Variants in MCOLN2 observed in about 807,000 individuals in gnomAD.
The protein encoded by MCOLN2 is mucolipin-2.
A neutral mutation model predicts 67.5 loss-of-function variants in MCOLN2; 57 were observed. The observed-to-expected ratio is 0.84, with a 90% confidence interval of 0.68 to 1.05. The LOEUF is 1.05. MCOLN2 is among the 50% of genes least tolerant of loss of function. The probability of loss-of-function intolerance (pLI) is 0.00; values close to 1 mark genes in which losing one functional copy is unlikely to be tolerated. For missense variants in MCOLN2, 620 were observed against 678.8 expected (o/e 0.91, Z 0.96); for synonymous variants, 246 against 233.3 (o/e 1.05, Z -0.50).
chr1:84,936,157 G>A (rs140386508), intron 11 of MCOLN2, among the ~76,000 whole-genome samples: 23 of 152,310 alleles, frequency 1.5e-4, no homozygotes, highest in African/African-American at 5.1e-4. Flanking sequence ...GAGAAGGGGA[G>A]GGAAGGGTTA....
At chr1:84,947,315 C>T (rs568763808) in intron 6 of MCOLN2, among the ~76,000 whole-genome samples, 183 bp from the exon 7 acceptor site, 1 of 151,932 alleles carries the variant, frequency 6.6e-6, no homozygotes, top group Non-Finnish European at 1.5e-5. Flanking sequence ...ACCACACACA[C>T]ACACACACAC....
intron 3 of MCOLN2, among the ~76,000 whole-genome samples, chr1:84,957,396 G>A (rs1048091679): frequency 2.0e-5 from 3 of 152,032 alleles, no homozygotes; most frequent in Non-Finnish European, 2.9e-5. Flanking sequence ...TCATTAATAC[G>A]ACTTTACTAT....
At chr1:84,926,873 T>C (rs960277692) in intron 13 of MCOLN2, 152 bp from the exon 14 acceptor site, 2 of 451,872 alleles carry the variant, frequency 4.4e-6, no homozygotes, top group Non-Finnish European at 7.6e-6. Flanking sequence ...AGGCAAGGTA[T>C]TCTGATTATT....
chr1:84,976,518 A>C (rs1261062140), intron 1 of MCOLN2, among the ~76,000 whole-genome samples: 1 of 152,190 alleles, frequency 6.6e-6, no homozygotes, highest in Non-Finnish European at 1.5e-5. Flanking sequence ...CTGTAATCCC[A>C]GCATTTTGGG....
chr1:84,936,523 A>T (rs529643307), intron 11 of MCOLN2, among the ~76,000 whole-genome samples: 1 of 152,316 alleles, frequency 6.6e-6, no homozygotes, highest in African/African-American at 2.4e-5. Flanking sequence ...CATATCAAAG[A>T]ATAATTTTTT....
chr1:84,959,293 T>C (rs1648954974), intron 2 of MCOLN2, among the ~76,000 whole-genome samples: 1 of 152,184 alleles, frequency 6.6e-6, no homozygotes, highest in Admixed American at 6.5e-5. Flanking sequence ...TCAAAGCACA[T>C]GAAAGAATAA....
Position 84,931,714 on chromosome 1 carries a change from T to C in MCOLN2, c.1336-146A>G, listed in dbSNP as rs1647202878. Reference sequence around the variant, plus strand: ...TAAGATGCTAGAACACCATAAGAAGTAGGAAAACATTATTCAAAAACCCCC... The same window carrying C: ...TAAGATGCTAGAACACCATAAGAAGCAGGAAAACATTATTCAAAAACCCCC... On this transcript the variant is annotated intron_variant, in intron 11 of 13. Coordinates refer to ENST00000370608, the MANE Select transcript of MCOLN2 (RefSeq NM_153259.4). The C allele has an allele frequency of 1.1e-5, 8 of 697,102 alleles. No individual in the cohort carries two copies. The Admixed American group carries it at 2.0e-4, about 17-fold the overall frequency. 43.2% of individuals were successfully genotyped at this position (697,102 alleles called of 1,614,324 possible). A position where few individuals can be genotyped will look rare whatever the true frequency, so the allele number is the denominator to read the frequency against.
At chr1:84,965,288 A>C (rs1194533990) in intron 2 of MCOLN2, among the ~76,000 whole-genome samples, 1 of 152,184 alleles carries the variant, frequency 6.6e-6, no homozygotes, top group South Asian at 2.1e-4. Flanking sequence ...TGTCACTCAG[A>C]TATAGAAACC....
At chr1:84,932,200 T>TA (rs1437428137) in intron 11 of MCOLN2, among the ~76,000 whole-genome samples, 1 of 152,082 alleles carries the variant, frequency 6.6e-6, no homozygotes, top group Non-Finnish European at 1.5e-5. Context: ...TTTCTACACT[T>TA]AGAGAGCATT....
chr1:84,976,305 T>A (rs1174379429), intron 1 of MCOLN2, among the ~76,000 whole-genome samples: 1 of 151,672 alleles, frequency 6.6e-6, no homozygotes, highest in Non-Finnish European at 1.5e-5. Context: ...AAAAAACAAA[T>A]AACATACAAT....
intron 7 of MCOLN2, among the ~76,000 whole-genome samples, chr1:84,941,965 C>T (rs74490137): frequency 0.074 from 11,228 of 152,204 alleles, 597 homozygotes; most frequent in African/African-American, 0.15. Context: ...AATCCCAGCC[C>T]AGCTCTCTTC....
At chr1:84,975,521 A>C (rs563982339) in intron 1 of MCOLN2, among the ~76,000 whole-genome samples, 2 of 152,332 alleles carry the variant, frequency 1.3e-5, no homozygotes, top group Admixed American at 1.3e-4. Context: ...CACAATGCCC[A>C]AGTCCTTTCA....
intron 1 of MCOLN2, among the ~76,000 whole-genome samples, chr1:84,966,898 T>C (rs1649408884): frequency 6.6e-6 from 1 of 152,122 alleles, no homozygotes; most frequent in South Asian, 2.1e-4. Flanking sequence ...AAACTAAAAA[T>C]TGAACTCCAT....
intron 1 of MCOLN2, among the ~76,000 whole-genome samples, chr1:84,985,727 C>A (rs961160375): frequency 1.3e-5 from 2 of 152,126 alleles, no homozygotes; most frequent in Admixed American, 1.3e-4. Flanking sequence ...TAGGAATACA[C>A]TTAACCAAGG....
rs201109513 is a variant in MCOLN2, at chr1:84,937,761, A to G, written c.1329T>C (p.His443=). The change falls in exon 11 of 14, where the codon CAT becomes CAC. Residue 443 remains histidine (H), a synonymous_variant. Transcript: ENST00000370608. ...FCGWIVLGPY[H]DKFENLNTVA... is the part of the protein sequence containing the mutation. ...AAGAATGTGAGCTACACACCTTGTCATGGTATGGTCCTAAGACAATCCAGC... is the reference window on the plus strand; with the variant it reads ...AAGAATGTGAGCTACACACCTTGTCGTGGTATGGTCCTAAGACAATCCAGC... 259 of 1,614,100 alleles carry G rather than the reference A, an allele frequency of 1.6e-4. No homozygotes were observed. Among genetic ancestry groups the G allele is most frequent in the Non-Finnish European group, 2.1e-4 (246 of 1,180,042 alleles).
At chr1:84,960,171 C>T (rs1372080518) in intron 2 of MCOLN2, among the ~76,000 whole-genome samples, 1 of 152,122 alleles carries the variant, frequency 6.6e-6, no homozygotes, top group Non-Finnish European at 1.5e-5. Context: ...GAAAAATAAT[C>T]ACCATTTTCA....
intron 11 of MCOLN2, among the ~76,000 whole-genome samples, chr1:84,934,858 T>C (rs1450634175): frequency 1.3e-5 from 2 of 152,196 alleles, no homozygotes; most frequent in African/African-American, 4.8e-5. Flanking sequence ...AGGAAGCCTT[T>C]TGCATCTTGA....
chr1:84,958,589 G>A lies in MCOLN2; in HGVS notation c.351C>T (p.Tyr117=), dbSNP rs527255967. ...KGYSGTDEDD[Y]SCSVYTQEDA... ...CCTCTTGAGTATATACACTGCAGCT[G>A]TAGTCATCTTCATCTGTACCAGAAT... Residue 117 remains tyrosine, a synonymous_variant, in exon 3 of 14, where the codon TAC becomes TAT. Coordinates refer to ENST00000370608, the MANE Select transcript of MCOLN2 (RefSeq NM_153259.4). 4 of 1,611,264 alleles carry A rather than the reference G, an allele frequency of 2.5e-6. No individual in the cohort carries two copies. The highest frequency in any genetic ancestry group is 2.7e-5 in the African/African-American group (2 of 74,976).
chr1:84,966,293 G>T (rs914357214), intron 1 of MCOLN2, among the ~76,000 whole-genome samples: 1 of 151,838 alleles, frequency 6.6e-6, no homozygotes, highest in Non-Finnish European at 1.5e-5. Flanking sequence ...AAAACAAAAT[G>T]GTCAATCTCA....
Sources: gnomAD v4.1 joint callset for allele counts (sites outside exome capture counted in the v4.1 genomes callset) on GRCh38, gnomAD v4.1.1 for gene constraint, MANE v1.5 for transcripts, NCBI Gene and HGNC (gene_info 2026-07-23, HGNC 2026-07-21) for gene names.